DCP2: variants seen among roughly 807,000 people sequenced by gnomAD.
DCP2 encodes the protein decapping mRNA 2, also known as m7GpppN-mRNA hydrolase.
Under a neutral mutation model 56.1 loss-of-function variants are expected in DCP2, and 30 were observed. The observed-to-expected ratio is 0.53, with a 90% confidence interval of 0.40 to 0.73. The LOEUF (loss-of-function observed/expected upper bound fraction) is 0.73, where lower values mean the gene tolerates loss of function less well. DCP2 is among the 30% of genes least tolerant of loss of function. The probability of loss-of-function intolerance (pLI) is 0.00; values close to 1 mark genes in which losing one functional copy is unlikely to be tolerated. For missense variants in DCP2, 533 were observed against 502.7 expected, an observed-to-expected ratio of 1.06 and a Z score of -0.58; for synonymous variants, 197 against 163.3, an observed-to-expected ratio of 1.21 and a Z score of -1.57.
At position 113,001,679 on chromosome 5, in the gene DCP2, A is replaced by G; in HGVS notation, c.806+5A>G. The G allele has an allele frequency of 6.2e-7, 1 of 1,608,166 alleles. No individual in the cohort carries two copies. The highest frequency in any genetic ancestry group is 8.5e-7 in the Non-Finnish European group (1 of 1,174,688). ...ACCCACTGTGGAAAAATTGAGGTAAAGAAATACATTCATGGAATCCTGATT... is the reference window on the plus strand; with the variant it reads ...ACCCACTGTGGAAAAATTGAGGTAAGGAAATACATTCATGGAATCCTGATT... On this transcript the variant is annotated splice_donor_5th_base_variant and intron_variant, in intron 7 of 10. Coordinates refer to ENST00000389063, the MANE Select transcript of DCP2 (RefSeq NM_152624.6).
In DCP2 at chr5:113,018,980, A is replaced by G. The variant is rs569651690; in HGVS notation, c.*5496A>G. The G allele has an allele frequency of 7.9e-5, 12 of 152,310 alleles. No individual in the cohort carries two copies. In the South Asian group the frequency reaches 2.5e-3, roughly 32 times the overall value. The allele number at this position is 152,310 out of a possible 1,614,324, so 9.4% of individuals were successfully genotyped here. ...TAGCTTTCACATTGGCTTGGGAACA[A>G]CAGACTTGTGTGTGGTTCTAGAGTG... is the stretch of plus-strand genomic sequence containing the variant. On this transcript the variant is annotated 3_prime_UTR_variant, in exon 11 of 11. Transcript: ENST00000389063.
At chr5:112,979,333 G>C (rs1296893594) in intron 1 of DCP2, among the ~76,000 whole-genome samples, 1 of 152,026 alleles carries the variant, frequency 6.6e-6, no homozygotes, top group African/African-American at 2.4e-5. Context: ...AATATTTATA[G>C]CTTTGATTAA....
chr5:113,008,765 G>C (rs2150190246), intron 9 of DCP2, among the ~76,000 whole-genome samples: 1 of 152,042 alleles, frequency 6.6e-6, no homozygotes, highest in Middle Eastern at 3.4e-3. Flanking sequence ...GTGGTGACAA[G>C]AACAGAGAAG....
At chr5:113,002,284 G>A (rs1000970391) in intron 7 of DCP2, among the ~76,000 whole-genome samples, 8 of 151,890 alleles carry the variant, frequency 5.3e-5, no homozygotes, top group African/African-American at 1.5e-4. Flanking sequence ...TTAGCTGGGC[G>A]TGGTGGCAGG....
In DCP2 at chr5:113,005,765, A is replaced by G. The variant is rs140746158; in HGVS notation, c.942+1688A>G. Among the ~76,000 whole-genome samples, 373 of 152,390 alleles carry G rather than the reference A, an allele frequency of 2.4e-3. 2 individuals carry two copies. The highest frequency in any genetic ancestry group is 8.3e-3 in the African/African-American group (347 of 41,600). On this transcript the variant is annotated intron_variant, in intron 8 of 10. Coordinates refer to ENST00000389063, the MANE Select transcript of DCP2 (RefSeq NM_152624.6). ...GTGGAAACAACTCATATGCCTGTCA[A>G]CAGATGAATGGATAAACAATGTGGT...
Position 113,016,352 on chromosome 5 carries a change from T to TG in DCP2, c.*2869dup, listed in dbSNP as rs1749885587. ...AAATTTGATTAAAGATGTTGGAAAA[T>TG]GAAGTTGGATTTTTGTATTCATGTA... On this transcript the variant is annotated 3_prime_UTR_variant, in exon 11 of 11. Coordinates refer to ENST00000389063, the MANE Select transcript of DCP2 (RefSeq NM_152624.6). 2 of 152,466 alleles carry TG rather than the reference T, an allele frequency of 1.3e-5. No homozygotes were observed. The highest frequency in any genetic ancestry group is 4.8e-5 in the African/African-American group (2 of 41,434). 9.4% of individuals were successfully genotyped at this position (152,466 alleles called of 1,614,324 possible).
chr5:112,990,272 G>T (rs891775787), intron 2 of DCP2, among the ~76,000 whole-genome samples: 2 of 152,078 alleles, frequency 1.3e-5, no homozygotes, highest in Non-Finnish European at 2.9e-5. Context: ...CCACTTACTA[G>T]CTATGTATCC....
rs528849042 is a variant in DCP2, at chr5:113,013,208, G to A, written c.1100-113G>A. Reference sequence around the variant, plus strand: ...GTGGTTCTGTTTAGGGTTAGAGTCTGGGAAGATAAATATATACTCAAAACT... The same window carrying A: ...GTGGTTCTGTTTAGGGTTAGAGTCTAGGAAGATAAATATATACTCAAAACT... On this transcript the variant is annotated intron_variant, in intron 10 of 10. Coordinates refer to ENST00000389063, the MANE Select transcript of DCP2 (RefSeq NM_152624.6). 3.3e-5 allele frequency: 38 copies of A among 1,141,322 alleles called. No homozygotes were observed. The East Asian group carries it at 9.5e-4, about 29-fold the overall frequency. The allele number at this position is 1,141,322 out of a possible 1,614,324, so 70.7% of individuals were successfully genotyped here.
intron 10 of DCP2, among the ~76,000 whole-genome samples, chr5:113,011,627 C>T (rs941383427): frequency 3.9e-5 from 6 of 152,134 alleles, no homozygotes; most frequent in Admixed American, 3.3e-4. Flanking sequence ...CAAGATAATG[C>T]TATTTTGAAA....
chr5:112,979,597 T>C (rs1274782086), intron 1 of DCP2, among the ~76,000 whole-genome samples: 2 of 152,234 alleles, frequency 1.3e-5, no homozygotes, highest in Admixed American at 6.5e-5. Context: ...TTTGTGTTAC[T>C]TTGTTTTTTG....
rs1580807606 is a variant in DCP2, at chr5:112,992,222, A to G, written c.307A>G (p.Ile103Val). 23 of 1,612,888 alleles carry G rather than the reference A, an allele frequency of 1.4e-5. No individual in the cohort carries two copies. The highest frequency in any genetic ancestry group is 8.9e-5 in the East Asian group (4 of 44,846). ...YKMGVPTYGA[I>V]ILDETLENVL... is the part of the protein sequence containing the mutation. ...AATGGGAGTACCAACATATGGTGCAATTATTCTTGATGAGACACTTGAAAA... is the reference window on the plus strand; with the variant it reads ...AATGGGAGTACCAACATATGGTGCAGTTATTCTTGATGAGACACTTGAAAA... Residue 103 changes from isoleucine (I) to valine (V), a missense_variant, in exon 3 of 11, where the codon ATT becomes GTT. Physicochemically the swap from Ile to Val is conservative, Grantham distance 29. Around this residue, in one of 3 missense-constraint regions of DCP2, gnomAD observed 137 missense variants for 138.2 expected, o/e 0.99. Coordinates refer to ENST00000389063, the MANE Select transcript of DCP2 (RefSeq NM_152624.6).
rs941044964 is a variant in DCP2, at chr5:113,021,407, C to T, written c.*7923C>T. 3.3e-5 allele frequency among the ~76,000 whole-genome samples: 5 copies of T among 150,258 alleles called. No individual in the cohort carries two copies. The highest frequency in any genetic ancestry group is 4.9e-5 in the African/African-American group (2 of 40,824). ...CAACCAAAAAAAAAAAAAAAAAACCCCCAGGAAGAAATATTGTCGAGAGTC... is the reference window on the plus strand; with the variant it reads ...CAACCAAAAAAAAAAAAAAAAAACCTCCAGGAAGAAATATTGTCGAGAGTC... On this transcript the variant is annotated 3_prime_UTR_variant, in exon 11 of 11. Coordinates refer to ENST00000389063, the MANE Select transcript of DCP2 (RefSeq NM_152624.6).
chr5:112,976,879 T>C lies in DCP2; in HGVS notation c.-55T>C. ...GAGCCGGAGTCCTAGTGCCGTACCGTCAGTCCCCGGCCGCGCGGAGCCGGG... is the reference window on the plus strand; with the variant it reads ...GAGCCGGAGTCCTAGTGCCGTACCGCCAGTCCCCGGCCGCGCGGAGCCGGG... On this transcript the variant is annotated 5_prime_UTR_variant, in exon 1 of 11. Coordinates refer to ENST00000389063, the MANE Select transcript of DCP2 (RefSeq NM_152624.6). 1 of 1,589,140 alleles carries C rather than the reference T, an allele frequency of 6.3e-7. No individual in the cohort carries two copies. The highest frequency in any genetic ancestry group is 8.6e-7 in the Non-Finnish European group (1 of 1,157,254).
intron 4 of DCP2, among the ~76,000 whole-genome samples, chr5:112,993,624 CAA>C (rs769397326): frequency 1.6e-5 from 1 of 63,932 alleles, no homozygotes; most frequent in African/African-American, 5.8e-5. Flanking sequence ...AACACTATCT[CAA>C]AAAAAAAAAA....
chr5:112,984,686 TAAAAAAAAAAAA>T lies in DCP2; in HGVS notation c.54-1142_54-1131del, dbSNP rs60727810. The T allele has an allele frequency of 3.4e-5, 3 of 89,484 alleles. 1 individual carries two copies. The highest frequency in any genetic ancestry group is 1.6e-4 in the African/African-American group (3 of 19,064). 5.5% of individuals were successfully genotyped at this position (89,484 alleles called of 1,614,324 possible). ...TGCAGTGTTGTTTTTATTTCTTAAT[TAAAAAAAAAAAA>T]AAAAAATATATATATATATATATAT... On this transcript the variant is annotated intron_variant, in intron 1 of 10. Transcript: ENST00000389063.
At chr5:113,013,198 G>T in intron 10 of DCP2, 123 bp from the exon 11 acceptor site, 1 of 1,010,188 alleles carries the variant, frequency 9.9e-7, no homozygotes. Context: ...TCTGTTTAGG[G>T]TTAGAGTCTG....
rs1470861211 is a variant in DCP2 at position 113,015,916 on chromosome 5, A to G, written c.*2432A>G. ...AAAGGAGTATGCTGAATATGCAATC[A>G]TTTACTTCTACTGAGTGCTGCATTT... On this transcript the variant is annotated 3_prime_UTR_variant, in exon 11 of 11. Transcript: ENST00000389063. 2.0e-5 allele frequency: 3 copies of G among 152,598 alleles called. No homozygotes were observed. Among genetic ancestry groups the G allele is most frequent in the African/African-American group, 7.2e-5 (3 of 41,438 alleles). The allele number at this position is 152,598 out of a possible 1,614,324, so 9.5% of individuals were successfully genotyped here.
At chr5:113,010,958 C>T (rs1372681806) in intron 10 of DCP2, 151 bp downstream of exon 10, 1 of 749,824 alleles carries the variant, frequency 1.3e-6, no homozygotes, top group Non-Finnish European at 2.0e-6. Context: ...ATGTAGAGTT[C>T]TCTAAGAAAC....
intron 1 of DCP2, 148 bp downstream of exon 1, chr5:112,977,134 C>T: frequency 9.2e-6 from 5 of 545,966 alleles, no homozygotes; most frequent in East Asian, 3.4e-5. Context: ...CGACCCTGCT[C>T]TCCGACGACA....
Sources: gnomAD v4.1 joint callset for allele counts (sites outside exome capture counted in the v4.1 genomes callset) on GRCh38, gnomAD v4.1.1 for gene constraint, gnomAD v4.1.1 regional missense constraint, MANE v1.5 for transcripts, NCBI Gene and HGNC (gene_info 2026-07-23, HGNC 2026-07-21) for gene names.